The following RBFOX1 variants were observed in gnomAD, a reference collection of about 807,000 sequenced individuals.
The protein encoded by RBFOX1 is RNA binding protein fox-1 homolog 1.
Under a neutral mutation model 57.7 loss-of-function variants are expected in RBFOX1, and 8 were observed. The ratio of observed to expected loss-of-function variants is 0.14; its 90% CI spans 0.08 to 0.25. The LOEUF (loss-of-function observed/expected upper bound fraction) is 0.25, where lower values mean the gene tolerates loss of function less well. Among genes scored for constraint, RBFOX1 ranks in the 10% least tolerant of loss-of-function variants. The pLI is 1.00. For synonymous variants in RBFOX1, 326 were observed against 222.4 expected (o/e 1.47, Z -4.15); for missense variants, 611 against 548.5 (o/e 1.11, Z -1.14).
chr16:6,734,186 A>G (rs144255755), intron 3 of RBFOX1, among the ~76,000 whole-genome samples: 1 of 152,134 alleles, frequency 6.6e-6, no homozygotes. Context: ...ATTTCAGCCC[A>G]CATCCGTGCA....
intron 4 of RBFOX1, among the ~76,000 whole-genome samples, chr16:7,150,686 A>G (rs1420311013): frequency 1.3e-5 from 2 of 152,238 alleles, no homozygotes; most frequent in African/African-American, 4.8e-5. Flanking sequence ...ATGTTTAGAA[A>G]GAGATAAGTC....
At chr16:7,046,650 A>C (rs554358740) in intron 3 of RBFOX1, among the ~76,000 whole-genome samples, 43 of 121,270 alleles carry the variant, frequency 3.5e-4, no homozygotes, top group Non-Finnish European at 2.5e-4. Context: ...ACAGAGTCTC[A>C]GTCTGTGTGC....
At chr16:7,390,194 T>C (rs2097974296) in intron 4 of RBFOX1, among the ~76,000 whole-genome samples, 1 of 152,176 alleles carries the variant, frequency 6.6e-6, no homozygotes, top group African/African-American at 2.4e-5. Context: ...GCTCCCATTA[T>C]TCTGTCATCT....
intron 3 of RBFOX1, among the ~76,000 whole-genome samples, chr16:5,854,870 G>A (rs142245775): frequency 1.4e-3 from 210 of 152,012 alleles, no homozygotes; most frequent in African/African-American, 4.8e-3. Context: ...CCTTTTCTCC[G>A]TATCCTCACC....
chr16:5,670,209 C>T (rs927819052), intron 3 of RBFOX1, among the ~76,000 whole-genome samples: 7 of 152,096 alleles, frequency 4.6e-5, no homozygotes, highest in African/African-American at 1.2e-4. Context: ...GGCTGCTTAA[C>T]GGGTCTGAGG....
intron 14 of RBFOX1, among the ~76,000 whole-genome samples, chr16:7,698,499 C>A (rs1990300): frequency 6.6e-6 from 1 of 151,826 alleles, no homozygotes; most frequent in Non-Finnish European, 1.5e-5. Context: ...GTGTCACCAG[C>A]GCCTTTCATT....
intron 2 of RBFOX1, among the ~76,000 whole-genome samples, chr16:6,564,033 G>A (rs928290331): frequency 2.0e-5 from 3 of 152,018 alleles, no homozygotes; most frequent in African/African-American, 7.2e-5. Flanking sequence ...CTTCTTCCCA[G>A]CAAGCTATTT....
At chr16:5,544,951 CTTTTTTTTTTTTTTTTTTTTT>C (rs59873374) in intron 2 of RBFOX1, among the ~76,000 whole-genome samples, 68 of 124,404 alleles carry the variant, frequency 5.5e-4, no homozygotes, top group Middle Eastern at 4.5e-3. Context: ...CTATTACATT[CTTTTTTTTTTTTTTTTTTTTT>C]TTTTTTTTTT....
In RBFOX1 at chr16:7,024,288, A is replaced by G. The variant is rs78435258; in HGVS notation, c.-15-27769A>G. On this transcript the variant is annotated intron_variant, in intron 3 of 15. Transcript: ENST00000550418. ...CATGGTGGCTTTGACAAAGACTACC[A>G]TGGAGAGCCTGGTTCTGTGACATTG... is the stretch of plus-strand genomic sequence containing the variant. Among the ~76,000 whole-genome samples, 492 of 152,300 alleles carry G rather than the reference A, an allele frequency of 3.2e-3. 2 individuals carry two copies. Among genetic ancestry groups the G allele is most frequent in the African/African-American group, 0.011 (464 of 41,572 alleles).
intron 13 of RBFOX1, among the ~76,000 whole-genome samples, chr16:7,667,198 A>G (rs906292330): frequency 2.6e-5 from 4 of 152,054 alleles, no homozygotes; most frequent in Non-Finnish European, 5.9e-5. Flanking sequence ...CTTCCTGAAT[A>G]TTTTGCTTTG....
intron 1 of RBFOX1, among the ~76,000 whole-genome samples, chr16:5,251,990 A>G (rs1248469766): frequency 6.6e-6 from 1 of 151,846 alleles, no homozygotes; most frequent in Non-Finnish European, 1.5e-5. Flanking sequence ...TGTGCTGTGT[A>G]TTCTAGGCCT....
chr16:5,468,343 C>T (rs991539027), intron 2 of RBFOX1, among the ~76,000 whole-genome samples: 6 of 152,144 alleles, frequency 3.9e-5, no homozygotes, highest in African/African-American at 9.7e-5. Flanking sequence ...AGCAGTCTCC[C>T]CTGTTGTTCT....
intron 4 of RBFOX1, among the ~76,000 whole-genome samples, chr16:5,941,175 C>T (rs958912076): frequency 6.6e-6 from 1 of 151,926 alleles, no homozygotes; most frequent in African/African-American, 2.4e-5. Flanking sequence ...GAGAAAGTCA[C>T]TACAATAATG....
At chr16:6,979,039 A>G (rs901489475) in intron 3 of RBFOX1, among the ~76,000 whole-genome samples, 1 of 152,214 alleles carries the variant, frequency 6.6e-6, no homozygotes, top group Non-Finnish European at 1.5e-5. Flanking sequence ...GAGATAATAC[A>G]AAAGTTATTA....
chr16:7,034,841 C>CTTTCTTTTTTTT (rs2043856073), intron 3 of RBFOX1, among the ~76,000 whole-genome samples: 1 of 39,166 alleles, frequency 2.6e-5, no homozygotes. Context: ...TTTTTTTTTT[C>CTTTCTTTTTTTT]TTTTTTCTTT....
chr16:7,073,954 C>T (rs1487248825), intron 4 of RBFOX1, among the ~76,000 whole-genome samples: 1 of 152,172 alleles, frequency 6.6e-6, no homozygotes, highest in Non-Finnish European at 1.5e-5. Flanking sequence ...GTTTATGAGA[C>T]AGCTCCCTGT....
chr16:6,447,841 A>G (rs1279404015), intron 2 of RBFOX1, among the ~76,000 whole-genome samples: 1 of 152,164 alleles, frequency 6.6e-6, no homozygotes, highest in East Asian at 1.9e-4. Context: ...TAATTTAAGG[A>G]AGGGGAAAGA....
chr16:6,961,288 A>G (rs2082952117), intron 3 of RBFOX1, among the ~76,000 whole-genome samples: 1 of 152,192 alleles, frequency 6.6e-6, no homozygotes, highest in African/African-American at 2.4e-5. Flanking sequence ...AGGAGAGGAG[A>G]GCTAAGCAAT....
intron 13 of RBFOX1, among the ~76,000 whole-genome samples, chr16:7,668,950 C>G (rs906830831): frequency 6.6e-6 from 1 of 152,178 alleles, no homozygotes; most frequent in African/African-American, 2.4e-5. Context: ...GTCGCCCAGG[C>G]TGGAGCACAG....
Sources: allele counts gnomAD v4.1 joint callset (sites outside exome capture counted in the v4.1 genomes callset), GRCh38; gene constraint gnomAD v4.1.1; transcripts MANE v1.5; gene names NCBI Gene and HGNC (gene_info 2026-07-23, HGNC 2026-07-21).